Variants in NDFIP2 observed in about 807,000 individuals in gnomAD.
NDFIP2 encodes the protein Nedd4 family interacting protein 2.
A neutral mutation model predicts 36.0 loss-of-function variants in NDFIP2; 19 were observed. That is an observed-to-expected ratio of 0.53 (90% CI 0.37 to 0.77). The LOEUF (loss-of-function observed/expected upper bound fraction) is 0.77, where lower values mean the gene tolerates loss of function less well. Ranked by LOEUF, NDFIP2 falls within the 30% of genes least tolerant of loss-of-function variation. The pLI is 0.00. For missense variants in NDFIP2, 446 were observed against 435.8 expected, an observed-to-expected ratio of 1.02 and a Z score of -0.21; for synonymous variants, 181 against 167.7, an observed-to-expected ratio of 1.08 and a Z score of -0.61.
At chr13:79,519,754 A>G (rs747038031) in intron 1 of NDFIP2, among the ~76,000 whole-genome samples, 3 of 152,214 alleles carry the variant, frequency 2.0e-5, no homozygotes, top group African/African-American at 4.8e-5. Context: ...AGAATTTTAT[A>G]TACACATCAA....
chr13:79,521,187 A>G (rs973877470), intron 2 of NDFIP2, among the ~76,000 whole-genome samples: 2 of 152,156 alleles, frequency 1.3e-5, no homozygotes, highest in Admixed American at 6.5e-5. Flanking sequence ...TTATATAACC[A>G]TAAAACAAGA....
chr13:79,509,381 T>C (rs1355342930), intron 1 of NDFIP2, among the ~76,000 whole-genome samples: 1 of 152,112 alleles, frequency 6.6e-6, no homozygotes, highest in Non-Finnish European at 1.5e-5. Flanking sequence ...TTGGAATCAG[T>C]AGAAAGAAGT....
In NDFIP2 at chr13:79,489,998, C is replaced by A. The variant is rs948888825; in HGVS notation, c.321+8474C>A. On this transcript the variant is annotated intron_variant, in intron 1 of 7. Transcript: ENST00000218652. ...CTGTAGACCTTGTTTTTGTATAGGT[C>A]TGTGGACCCCCAAGCAAATATGTAG... 5.3e-5 allele frequency among the ~76,000 whole-genome samples: 8 copies of A among 152,152 alleles called. No homozygotes were observed. In the East Asian group the frequency reaches 7.7e-4, roughly 15 times the overall value.
At chr13:79,486,724 A>G (rs1873006678) in intron 1 of NDFIP2, among the ~76,000 whole-genome samples, 2 of 152,212 alleles carry the variant, frequency 1.3e-5, no homozygotes, top group African/African-American at 2.4e-5. Context: ...TTACGGTGGT[A>G]GGGTTGAGGA....
intron 2 of NDFIP2, among the ~76,000 whole-genome samples, chr13:79,529,663 T>C (rs970776423): frequency 1.3e-5 from 2 of 152,188 alleles, no homozygotes; most frequent in African/African-American, 4.8e-5. Flanking sequence ...AGATTAAAAA[T>C]GACCTAACTT....
chr13:79,505,559 G>T (rs1423080509), intron 1 of NDFIP2, among the ~76,000 whole-genome samples: 1 of 150,924 alleles, frequency 6.6e-6, no homozygotes. Flanking sequence ...GAGCCCAGAA[G>T]TTAGAGGCTG....
At position 79,521,588 on chromosome 13, in the gene NDFIP2, A is replaced by G. The variant is rs552193235; in HGVS notation, c.487+613A>G. Among the ~76,000 whole-genome samples the G allele has an allele frequency of 4.6e-5, 7 of 152,282 alleles. No individual in the cohort carries two copies. In the East Asian group the frequency reaches 9.7e-4, roughly 21 times the overall value. On this transcript the variant is annotated intron_variant, in intron 2 of 7. Transcript: ENST00000218652. ...CAGTTACTGAAAAATATTTTAACAG[A>G]AAAAATTTTTCACTAGAACTTTTCA...
chr13:79,504,813 A>G (rs1334969026), intron 1 of NDFIP2, among the ~76,000 whole-genome samples: 2 of 151,938 alleles, frequency 1.3e-5, no homozygotes, highest in Non-Finnish European at 2.9e-5. Context: ...ATTTTTTTCT[A>G]TGTTTATTAA....
At chr13:79,527,474 A>G (rs1874846152) in intron 2 of NDFIP2, among the ~76,000 whole-genome samples, 1 of 152,206 alleles carries the variant, frequency 6.6e-6, no homozygotes, top group African/African-American at 2.4e-5. Context: ...AAAGATGGTC[A>G]TATGCTGCAT....
chr13:79,547,244 C>T (rs967889488), intron 5 of NDFIP2, among the ~76,000 whole-genome samples: 3 of 151,528 alleles, frequency 2.0e-5, no homozygotes, highest in African/African-American at 7.3e-5. Context: ...TTTATTTTTG[C>T]CACAGCCTAG....
intron 2 of NDFIP2, among the ~76,000 whole-genome samples, chr13:79,523,528 G>A (rs1020395964): frequency 3.3e-5 from 5 of 152,056 alleles, no homozygotes; most frequent in African/African-American, 1.2e-4. Flanking sequence ...CCCATACTGT[G>A]TTTTTTTAAT....
chr13:79,498,398 A>G (rs1207549456), intron 1 of NDFIP2, among the ~76,000 whole-genome samples: 2 of 152,142 alleles, frequency 1.3e-5, no homozygotes, highest in East Asian at 3.9e-4. Flanking sequence ...ACAAAAATAA[A>G]GAAATATGAA....
At chr13:79,481,842 T>C (rs894227105) in intron 1 of NDFIP2, among the ~76,000 whole-genome samples, 8 of 152,180 alleles carry the variant, frequency 5.3e-5, no homozygotes, top group African/African-American at 1.9e-4. Flanking sequence ...TATCATTTTC[T>C]TATTCTCTGA....
At chr13:79,509,126 A>G (rs905466284) in intron 1 of NDFIP2, among the ~76,000 whole-genome samples, 6 of 152,212 alleles carry the variant, frequency 3.9e-5, no homozygotes, top group Admixed American at 3.3e-4. Flanking sequence ...GTCAAGCTTA[A>G]AGACATGCCA....
rs2079808694 is a variant in NDFIP2 at position 79,481,209 on chromosome 13, A to T, written c.6A>T (p.Ala2=). 4.0e-6 allele frequency: 6 copies of T among 1,505,214 alleles called. No homozygotes were observed. Among genetic ancestry groups the T allele is most frequent in the Non-Finnish European group, 5.3e-6 (6 of 1,134,860 alleles). 93.2% of individuals were successfully genotyped at this position (1,505,214 alleles called of 1,614,324 possible). The change falls in exon 1 of 8, where the codon GCA becomes GCT. Residue 2 remains alanine (A), a synonymous_variant. Transcript: ENST00000218652. M[A]RRRSQRVCAS... ...CCCTCCCACTGGCGGCGCGGATGGC[A>T]CGCCGGCGGAGCCAGCGAGTCTGCG...
At chr13:79,550,975 G>A (rs1875885631) in intron 6 of NDFIP2, 42 bp from the exon 7 acceptor site, 2 of 1,200,484 alleles carry the variant, frequency 1.7e-6, no homozygotes, top group South Asian at 1.5e-5. Context: ...GCCCTTTTCT[G>A]TATAAAAACA....
chr13:79,491,515 G>A lies in NDFIP2; in HGVS notation c.321+9991G>A, dbSNP rs552362253. On this transcript the variant is annotated intron_variant, in intron 1 of 7. Transcript: ENST00000218652. ...CCTGCTTATCACCTTCATAAACTGC[G>A]GAGTTGTGAATACTGGTTTGATTTT... Among the ~76,000 whole-genome samples, 10 of 152,164 alleles carry A rather than the reference G, an allele frequency of 6.6e-5. 1 individual carries two copies. In the South Asian group the frequency reaches 1.5e-3, roughly 22 times the overall value.
chr13:79,489,078 A>G (rs1873126337), intron 1 of NDFIP2, among the ~76,000 whole-genome samples: 1 of 152,304 alleles, frequency 6.6e-6, no homozygotes, highest in East Asian at 1.9e-4. Context: ...TTAGTTTTAT[A>G]TTGCTGTGTA....
intron 1 of NDFIP2, among the ~76,000 whole-genome samples, chr13:79,492,868 T>C (rs57068944): frequency 0.043 from 6,509 of 152,298 alleles, 485 homozygotes; most frequent in African/African-American, 0.15. Flanking sequence ...AGCTTTTAAA[T>C]ATATCTTTCC....
Sources: allele counts gnomAD v4.1 joint callset (sites outside exome capture counted in the v4.1 genomes callset), GRCh38; gene constraint gnomAD v4.1.1; transcripts MANE v1.5; gene names NCBI Gene and HGNC (gene_info 2026-07-23, HGNC 2026-07-21).